Variants in ACTR3C observed in about 807,000 individuals in gnomAD.
The protein encoded by ACTR3C is actin-related protein 3C.
Under a neutral mutation model 26.3 loss-of-function variants are expected in ACTR3C, and 18 were observed. The observed-to-expected ratio is 0.68, with a 90% CI of 0.47 to 1.01. The LOEUF (loss-of-function observed/expected upper bound fraction) is 1.01, where lower values mean the gene tolerates loss of function less well. Among genes scored for constraint, ACTR3C ranks in the 50% least tolerant of loss-of-function variants. ACTR3C has a pLI of 0.00. For missense variants in ACTR3C, 184 were observed against 250.7 expected, an observed-to-expected ratio of 0.73 and a Z score of 1.80; for synonymous variants, 55 against 94.5, an observed-to-expected ratio of 0.58 and a Z score of 2.42.
At chr7:149,904,538 AAC>A in the ACTR3C span, among the ~76,000 whole-genome samples, 11 of 78,068 alleles carry the variant, frequency 1.4e-4, 1 homozygote, top group African/African-American at 3.0e-4. Context: ...CTCAAAAAAC[AAC>A]AACAACAACA....
chr7:150,204,586 G>C, the ACTR3C span, among the ~76,000 whole-genome samples: 179 of 152,294 alleles, frequency 1.2e-3, no homozygotes, highest in African/African-American at 4.2e-3. Context: ...CCCATCACCA[G>C]ATGAGATCCA....
At chr7:149,892,754 G>A in the ACTR3C span, among the ~76,000 whole-genome samples, 1 of 123,770 alleles carries the variant, frequency 8.1e-6, no homozygotes, top group Admixed American at 9.1e-5. Context: ...AATATGGAAG[G>A]GGACAAAATT....
chr7:150,023,207 CTCTA>C, the ACTR3C span, among the ~76,000 whole-genome samples: 158 of 143,018 alleles, frequency 1.1e-3, no homozygotes, highest in African/African-American at 3.9e-3. Flanking sequence ...CTATATATAT[CTCTA>C]TATCTCTATA....
the ACTR3C span, among the ~76,000 whole-genome samples, chr7:150,134,239 A>G: frequency 5.9e-5 from 9 of 151,760 alleles, no homozygotes; most frequent in Non-Finnish European, 1.2e-4. Flanking sequence ...CAGTAAAAAA[A>G]AAAAAAAAAG....
chr7:150,222,600 C>T, the ACTR3C span, among the ~76,000 whole-genome samples: 1 of 152,166 alleles, frequency 6.6e-6, no homozygotes, highest in African/African-American at 2.4e-5. Flanking sequence ...CTGTGAGCTC[C>T]ATTATAGTGG....
intron 1 of ACTR3C, among the ~76,000 whole-genome samples, chr7:150,309,355 G>A (rs979809856): frequency 2.6e-5 from 4 of 152,182 alleles, no homozygotes; most frequent in Non-Finnish European, 5.9e-5. Flanking sequence ...TTCTCAATAT[G>A]TGTTTTATCA....
chr7:150,101,309 T>C, the ACTR3C span, among the ~76,000 whole-genome samples: 1 of 151,662 alleles, frequency 6.6e-6, no homozygotes, highest in Non-Finnish European at 1.5e-5. Flanking sequence ...CACAGAATAG[T>C]CAACAATTCT....
the ACTR3C span, among the ~76,000 whole-genome samples, chr7:150,135,918 T>C: frequency 2.0e-5 from 3 of 151,910 alleles, no homozygotes; most frequent in Non-Finnish European, 1.5e-5. Flanking sequence ...TGGAGAAGAA[T>C]GTGGAGCATC....
the ACTR3C span, among the ~76,000 whole-genome samples, chr7:149,993,098 G>C: frequency 1.3e-5 from 2 of 150,290 alleles, no homozygotes; most frequent in Admixed American, 1.3e-4. Context: ...TGCCTGCTTT[G>C]TTCTGCCTGC....
chr7:149,929,005 C>T, the ACTR3C span, among the ~76,000 whole-genome samples: 1 of 152,096 alleles, frequency 6.6e-6, no homozygotes, highest in Admixed American at 6.6e-5. Flanking sequence ...CTCCTACAGA[C>T]AATAAACAAA....
the ACTR3C span, among the ~76,000 whole-genome samples, chr7:150,014,933 C>A: frequency 6.6e-6 from 1 of 152,132 alleles, no homozygotes; most frequent in Non-Finnish European, 1.5e-5. Flanking sequence ...CAGTGTTTGA[C>A]CCTGGATCAA....
chr7:150,068,188 T>C, the ACTR3C span, among the ~76,000 whole-genome samples: 1 of 152,234 alleles, frequency 6.6e-6, no homozygotes, highest in African/African-American at 2.4e-5. Context: ...AGTAACATTT[T>C]ACTGTGGGAT....
the ACTR3C span, among the ~76,000 whole-genome samples, chr7:149,975,807 A>G: frequency 1.3e-5 from 2 of 152,166 alleles, no homozygotes; most frequent in Non-Finnish European, 2.9e-5. Flanking sequence ...GAAAACCATC[A>G]GCTCTCCTGA....
chr7:150,212,987 G>T, the ACTR3C span, among the ~76,000 whole-genome samples: 1 of 151,340 alleles, frequency 6.6e-6, no homozygotes. Flanking sequence ...AGGGATGAAA[G>T]ATTCTCCAGC....
chr7:150,186,426 A>G, the ACTR3C span, among the ~76,000 whole-genome samples: 4 of 152,138 alleles, frequency 2.6e-5, no homozygotes, highest in Non-Finnish European at 5.9e-5. Context: ...CCATGAGAAA[A>G]CATTCTTATT....
the ACTR3C span, among the ~76,000 whole-genome samples, chr7:150,128,112 G>T: frequency 7.1e-6 from 1 of 141,020 alleles, no homozygotes; most frequent in East Asian, 2.0e-4. Flanking sequence ...TTGATTGGCA[G>T]TTCCCAGTAT....
the ACTR3C span, among the ~76,000 whole-genome samples, chr7:150,235,616 T>G: frequency 1.3e-5 from 2 of 152,234 alleles, no homozygotes; most frequent in African/African-American, 2.4e-5. Flanking sequence ...AAGTTGAATA[T>G]GACTTAGGAT....
chr7:150,129,277 T>A, the ACTR3C span, among the ~76,000 whole-genome samples: 1 of 152,082 alleles, frequency 6.6e-6, no homozygotes, highest in Non-Finnish European at 1.5e-5. Flanking sequence ...AACCAACAAG[T>A]AACATACTGA....
At chr7:150,205,830 T>C in the ACTR3C span, among the ~76,000 whole-genome samples, 6 of 152,180 alleles carry the variant, frequency 3.9e-5, no homozygotes, top group Non-Finnish European at 7.4e-5. Context: ...TTTTTTTTTT[T>C]TTTCTTACTT....
Sources: allele counts gnomAD v4.1 joint callset (sites outside exome capture counted in the v4.1 genomes callset), GRCh38; gene constraint gnomAD v4.1.1; transcripts MANE v1.5; gene names NCBI Gene and HGNC (gene_info 2026-07-23, HGNC 2026-07-21).